TXNDC16: variants seen among roughly 807,000 people sequenced by gnomAD.
TXNDC16 encodes thioredoxin domain-containing protein 16.
A neutral mutation model predicts 85.6 loss-of-function variants in TXNDC16; 74 were observed. That is an observed-to-expected ratio of 0.86 (90% CI 0.72 to 1.05). TXNDC16 has a LOEUF of 1.05. TXNDC16 is among the 50% of genes least tolerant of loss of function. The probability of loss-of-function intolerance (pLI) is 0.00; values close to 1 mark genes in which losing one functional copy is unlikely to be tolerated. For missense variants in TXNDC16, 959 were observed against 947.0 expected (o/e 1.01, Z -0.17); for synonymous variants, 335 against 326.5 (o/e 1.03, Z -0.28).
intron 11 of TXNDC16, among the ~76,000 whole-genome samples, chr14:52,489,002 A>G (rs975412325): frequency 7.2e-5 from 11 of 152,160 alleles, no homozygotes; most frequent in African/African-American, 2.7e-4. Context: ...AAAAGGTGGC[A>G]AAAAAGGTGC....
Position 52,482,594 on chromosome 14 carries a change from T to A in TXNDC16, c.1252+228A>T, listed in dbSNP as rs544040038. Among the ~76,000 whole-genome samples, 5 of 152,280 alleles carry A rather than the reference T, an allele frequency of 3.3e-5. No individual in the cohort carries two copies. In the East Asian group the frequency reaches 9.6e-4, roughly 29 times the overall value. On this transcript the variant is annotated intron_variant, in intron 13 of 20. Transcript: ENST00000281741. ...AATCATTAGCGTGAGTCACAATTTT[T>A]CAAAATTAATGAACATCTAGTTTAA...
intron 17 of TXNDC16, 85 bp downstream of exon 17, chr14:52,457,005 C>A: frequency 1.1e-6 from 1 of 952,152 alleles, no homozygotes; most frequent in South Asian, 1.6e-5. Flanking sequence ...TTTCCTCCAT[C>A]AGCTGTGTAA....
intron 8 of TXNDC16, among the ~76,000 whole-genome samples, chr14:52,512,962 C>G (rs922950185): frequency 9.2e-5 from 14 of 152,116 alleles, no homozygotes; most frequent in African/African-American, 3.4e-4. Context: ...TCTCATCTCT[C>G]TCACTTGCTC....
chr14:52,490,541 T>C, intron 10 of TXNDC16, 90 bp from the exon 11 acceptor site: 1 of 1,003,498 alleles, frequency 1.0e-6, no homozygotes, highest in Non-Finnish European at 1.4e-6. Flanking sequence ...ACTACATTCT[T>C]ATACTAAAAA....
At chr14:52,538,361 AGCAGC>A (rs2037750601) in intron 4 of TXNDC16, among the ~76,000 whole-genome samples, 5 of 152,240 alleles carry the variant, frequency 3.3e-5, no homozygotes, top group Non-Finnish European at 7.3e-5. Context: ...ATGATGTCAG[AGCAGC>A]CATACCAGCC....
At chr14:52,493,216 T>TATATATATATACACACACAC in intron 9 of TXNDC16, among the ~76,000 whole-genome samples, 13 of 115,996 alleles carry the variant, frequency 1.1e-4, no homozygotes, top group African/African-American at 4.2e-4. Context: ...TATATATATA[T>TATATATATATACACACACAC]ACACACACAC....
In TXNDC16 at chr14:52,536,790, GC is replaced by G. The variant is rs1272783541; in HGVS notation, c.320del (p.Gly107AlafsTer16). 6.2e-7 allele frequency: 1 copy of G among 1,607,048 alleles called. No homozygotes were observed. Among genetic ancestry groups the G allele is most frequent in the Non-Finnish European group, 8.5e-7 (1 of 1,176,550 alleles). On this transcript the variant is annotated frameshift_variant and splice_region_variant, in exon 6 of 21. Coordinates refer to ENST00000281741, the MANE Select transcript of TXNDC16 (RefSeq NM_020784.3). LOFTEE classifies it high-confidence loss of function. Reference protein sequence around the residue: ...KDLMKAYLFKGNILLREFPTD... With the variant: ...KDLMKAYLFKXNILLREFPTD... ...TAGGGAATTCTCTGAGCAATATGTT[GC>G]CCCTATAAAAAGTTTAAAAACATAT... is the stretch of plus-strand genomic sequence containing the variant.
chr14:52,448,358 C>T (rs1005923899), intron 18 of TXNDC16, among the ~76,000 whole-genome samples: 2 of 151,698 alleles, frequency 1.3e-5, no homozygotes, highest in African/African-American at 4.8e-5. Flanking sequence ...CAGTGGAAAC[C>T]TTACAGGACA....
intron 14 of TXNDC16, among the ~76,000 whole-genome samples, chr14:52,473,213 A>G (rs543388620): frequency 2.0e-5 from 3 of 151,956 alleles, no homozygotes; most frequent in African/African-American, 7.2e-5. Context: ...TCTCCTCTCT[A>G]TTGAACCTCT....
intron 18 of TXNDC16, among the ~76,000 whole-genome samples, chr14:52,446,872 A>G (rs1454418754): frequency 1.3e-5 from 2 of 152,112 alleles, no homozygotes; most frequent in Non-Finnish European, 2.9e-5. Context: ...TCCTGGCAGC[A>G]TTTATCAACT....
intron 7 of TXNDC16, 56 bp from the exon 8 acceptor site, chr14:52,515,026 A>G: frequency 7.7e-7 from 1 of 1,302,558 alleles, no homozygotes; most frequent in Non-Finnish European, 1.1e-6. Flanking sequence ...GTGTGACTCT[A>G]TGTAAACTTC....
chr14:52,470,231 A>T, intron 15 of TXNDC16, 58 bp from the exon 16 acceptor site: 1 of 1,322,558 alleles, frequency 7.6e-7, no homozygotes, highest in Non-Finnish European at 1.0e-6. Flanking sequence ...TCAGTTTGTA[A>T]AAAAAAAGCA....
intron 4 of TXNDC16, among the ~76,000 whole-genome samples, chr14:52,539,605 A>G (rs2037782512): frequency 6.6e-6 from 1 of 152,206 alleles, no homozygotes; most frequent in Non-Finnish European, 1.5e-5. Flanking sequence ...GAAGGAAGAA[A>G]GGCCAATTAT....
intron 6 of TXNDC16, among the ~76,000 whole-genome samples, chr14:52,524,840 G>C (rs2037290345): frequency 6.6e-6 from 1 of 152,046 alleles, no homozygotes; most frequent in Non-Finnish European, 1.5e-5. Flanking sequence ...AGAAGAATGG[G>C]CTGGGCGTGG....
In TXNDC16 at chr14:52,432,562, T is replaced by C; in HGVS notation, c.2220A>G (p.Lys740=). ...HITILPAQEW[K]PPLPAYDFLS... Reference sequence around the variant, plus strand: ...GAAAATCATAAGCTGGAAGAGGAGGTTTCCATTCTTGAGCAGGTAAAATTG... The same window carrying C: ...GAAAATCATAAGCTGGAAGAGGAGGCTTCCATTCTTGAGCAGGTAAAATTG... Residue 740 remains lysine (K), a synonymous_variant, in exon 21 of 21, where the codon AAA becomes AAG. Coordinates refer to ENST00000281741, the MANE Select transcript of TXNDC16 (RefSeq NM_020784.3). The C allele has an allele frequency of 6.2e-7, 1 of 1,610,388 alleles. No homozygotes were observed. Among genetic ancestry groups the C allele is most frequent in the Non-Finnish European group, 8.5e-7 (1 of 1,178,672 alleles).
At chr14:52,532,593 C>T (rs1339794734) in intron 6 of TXNDC16, among the ~76,000 whole-genome samples, 2 of 152,014 alleles carry the variant, frequency 1.3e-5, no homozygotes, top group Non-Finnish European at 2.9e-5. Flanking sequence ...CCCGCCACCA[C>T]GCCCGGCTAA....
chr14:52,534,391 CATT>C (rs1403092755), intron 6 of TXNDC16, among the ~76,000 whole-genome samples: 1 of 152,148 alleles, frequency 6.6e-6, no homozygotes, highest in East Asian at 1.9e-4. Flanking sequence ...TTTCTTAAAA[CATT>C]ATGAGATGTT....
chr14:52,527,036 C>T (rs1330740093), intron 6 of TXNDC16, among the ~76,000 whole-genome samples: 1 of 152,216 alleles, frequency 6.6e-6, no homozygotes, highest in Non-Finnish European at 1.5e-5. Context: ...ATGTGCCCTG[C>T]CCCATGCATC....
intron 9 of TXNDC16, among the ~76,000 whole-genome samples, chr14:52,510,823 G>A (rs555450661): frequency 6.6e-6 from 1 of 152,174 alleles, no homozygotes; most frequent in African/African-American, 2.4e-5. Flanking sequence ...GAAATCCTAT[G>A]GTTCTAATAT....
Sources: gnomAD v4.1 joint callset for allele counts (sites outside exome capture counted in the v4.1 genomes callset) on GRCh38, gnomAD v4.1.1 for gene constraint, MANE v1.5 for transcripts, NCBI Gene and HGNC (gene_info 2026-07-23, HGNC 2026-07-21) for gene names.